The following HMG20A variants were observed in gnomAD, a reference collection of about 807,000 sequenced individuals.
HMG20A encodes high mobility group 20A, also known as high mobility group protein 20A.
Under a neutral mutation model 43.9 loss-of-function variants are expected in HMG20A, and 17 were observed. That is an observed-to-expected ratio of 0.39 (90% CI 0.27 to 0.58). The LOEUF (loss-of-function observed/expected upper bound fraction) is 0.58. HMG20A is among the 20% of genes least tolerant of loss of function. The pLI, the probability that HMG20A is intolerant of heterozygous loss-of-function variation, is 0.59. For missense variants in HMG20A, 341 were observed against 438.2 expected, an observed-to-expected ratio of 0.78 and a Z score of 1.98; for synonymous variants, 132 against 147.5, an observed-to-expected ratio of 0.89 and a Z score of 0.76.
At chr15:77,477,062 A>C (rs2072863077) in intron 6 of HMG20A, among the ~76,000 whole-genome samples, 1 of 152,228 alleles carries the variant, frequency 6.6e-6, no homozygotes, top group Non-Finnish European at 1.5e-5. Flanking sequence ...TACCAATGGA[A>C]TATCATAATT....
intron 2 of HMG20A, among the ~76,000 whole-genome samples, chr15:77,462,556 A>G (rs1428819360): frequency 2.0e-5 from 3 of 151,650 alleles, no homozygotes; most frequent in Non-Finnish European, 4.4e-5. Context: ...CTACTTAATT[A>G]TGCTACAGGT....
Position 77,484,468 on chromosome 15 carries a change from C to G in HMG20A, c.*1505C>G. ...AGGCAGGTGGATAGAAGTGCGGCCCCTCTCATAGTATGCCCATAAGTCAGG... is the reference window on the plus strand; with the variant it reads ...AGGCAGGTGGATAGAAGTGCGGCCCGTCTCATAGTATGCCCATAAGTCAGG... On this transcript the variant is annotated 3_prime_UTR_variant, in exon 10 of 10. Coordinates refer to ENST00000336216, the MANE Select transcript of HMG20A (RefSeq NM_001304504.2). The G allele has an allele frequency of 6.6e-6, 1 of 152,568 alleles. No homozygotes were observed. The highest frequency in any genetic ancestry group is 2.4e-5 in the African/African-American group (1 of 41,434). The allele number at this position is 152,568 out of a possible 1,614,324, so 9.5% of individuals were successfully genotyped here. A position where few individuals can be genotyped will look rare whatever the true frequency, so the allele number is the denominator to read the frequency against.
chr15:77,477,523 G>T, intron 6 of HMG20A, 32 bp from the exon 7 acceptor site: 2 of 1,461,466 alleles, frequency 1.4e-6, no homozygotes, highest in Non-Finnish European at 1.9e-6. Flanking sequence ...CTTCTATTAA[G>T]AATTAACTGT....
At chr15:77,490,361 A>G (rs1233804824), downstream of HMG20A, among the ~76,000 whole-genome samples, 1 of 152,210 alleles carries the variant, frequency 6.6e-6, no homozygotes. Context: ...GGGCAAGAGA[A>G]GAATCAGAGA....
chr15:77,458,403 G>C lies in HMG20A; in HGVS notation c.-4-1G>C. The C allele has an allele frequency of 1.1e-5, 18 of 1,605,854 alleles. No homozygotes were observed. The highest frequency in any genetic ancestry group is 1.5e-5 in the Non-Finnish European group (18 of 1,173,286). On this transcript the variant is annotated splice_acceptor_variant, in intron 1 of 9. Coordinates refer to ENST00000336216, the MANE Select transcript of HMG20A (RefSeq NM_001304504.2). LOFTEE classifies it low-confidence loss of function (5UTR_SPLICE). ...TTTTTTTTATTCTCTTTTCCTTTCA[G>C]AGAGATGGAAAACTTGATGACTAGC... is the stretch of plus-strand genomic sequence containing the variant.
chr15:77,474,570 A>C (rs2072838337), intron 6 of HMG20A, among the ~76,000 whole-genome samples: 1 of 152,242 alleles, frequency 6.6e-6, no homozygotes, highest in African/African-American at 2.4e-5. Flanking sequence ...CTCGTTGCCC[A>C]AGGTGTCAGC....
chr15:77,459,424 C>G (rs2072685657), intron 2 of HMG20A, among the ~76,000 whole-genome samples: 1 of 151,940 alleles, frequency 6.6e-6, no homozygotes, highest in Admixed American at 6.6e-5. Flanking sequence ...CTTGTTGAGT[C>G]AGACAATAAA....
chr15:77,469,225 G>T, intron 4 of HMG20A, among the ~76,000 whole-genome samples: 1 of 109,476 alleles, frequency 9.1e-6, no homozygotes, highest in Admixed American at 9.5e-5. Context: ...AGTAATCTAT[G>T]GGGAGACGAT....
chr15:77,503,505 AC>A, the HMG20A span, among the ~76,000 whole-genome samples: 1 of 152,020 alleles, frequency 6.6e-6, no homozygotes, highest in Non-Finnish European at 1.5e-5. Context: ...ACCCTAGCTG[AC>A]CCCACTTGAG....
At chr15:77,503,281 A>C in the HMG20A span, among the ~76,000 whole-genome samples, 1 of 152,128 alleles carries the variant, frequency 6.6e-6, no homozygotes, top group African/African-American at 2.4e-5. Context: ...CTGATAGCAA[A>C]ATCTGGTATC....
intron 1 of HMG20A, among the ~76,000 whole-genome samples, chr15:77,442,096 A>G (rs560956539): frequency 6.6e-6 from 1 of 152,224 alleles, no homozygotes; most frequent in Non-Finnish European, 1.5e-5. Context: ...TTTTCCTGCC[A>G]GTGACATAAG....
chr15:77,507,865 G>A, the HMG20A span, among the ~76,000 whole-genome samples: 1 of 149,984 alleles, frequency 6.7e-6, no homozygotes, highest in Non-Finnish European at 1.5e-5. Flanking sequence ...CATGAGGATG[G>A]AAAGCATGTT....
the HMG20A span, among the ~76,000 whole-genome samples, chr15:77,510,083 C>G: frequency 3.2e-4 from 49 of 152,236 alleles, no homozygotes; most frequent in African/African-American, 1.1e-3. Flanking sequence ...TCATTCCTAG[C>G]CCCCCACAGG....
At chr15:77,464,091 GTC>G (rs2072732431) in intron 2 of HMG20A, 147 bp from the exon 3 acceptor site, 1 of 854,224 alleles carries the variant, frequency 1.2e-6, no homozygotes, top group East Asian at 2.9e-5. Context: ...GCCCTGTAAC[GTC>G]TGTGAATACG....
At chr15:77,481,594 T>G (rs1047029975) in intron 9 of HMG20A, among the ~76,000 whole-genome samples, 1 of 152,226 alleles carries the variant, frequency 6.6e-6, no homozygotes, top group East Asian at 1.9e-4. Context: ...TTTTTTCATC[T>G]CAAGAGTATA....
the HMG20A span, among the ~76,000 whole-genome samples, chr15:77,503,101 T>C: frequency 6.6e-6 from 1 of 152,228 alleles, no homozygotes; most frequent in African/African-American, 2.4e-5. Flanking sequence ...TATTCTTTTT[T>C]AAGGAAGATG....
intron 1 of HMG20A, among the ~76,000 whole-genome samples, chr15:77,423,930 C>T (rs1246077006): frequency 2.0e-5 from 3 of 152,134 alleles, no homozygotes; most frequent in African/African-American, 7.2e-5. Flanking sequence ...AATGAGAATA[C>T]CCTTTACGTG....
chr15:77,435,229 G>A lies in HMG20A; in HGVS notation c.-5+14225G>A, dbSNP rs144602704. On this transcript the variant is annotated intron_variant, in intron 1 of 9. Transcript: ENST00000336216. ...TGTTTATTCTGATAAGGCTACAGGT[G>A]ATACAGTCTATGAAAAGTTGTCAAG... Among the ~76,000 whole-genome samples the A allele has an allele frequency of 2.0e-3, 299 of 152,198 alleles. 1 individual carries two copies. The highest frequency in any genetic ancestry group is 3.4e-3 in the Middle Eastern group (1 of 294).
chr15:77,422,222 C>T (rs1223501325), intron 1 of HMG20A, among the ~76,000 whole-genome samples: 2 of 152,142 alleles, frequency 1.3e-5, no homozygotes, highest in Admixed American at 1.3e-4. Flanking sequence ...GAACCTAGAA[C>T]TGTATTGTCT....
Sources: allele counts gnomAD v4.1 joint callset (sites outside exome capture counted in the v4.1 genomes callset), GRCh38; gene constraint gnomAD v4.1.1; transcripts MANE v1.5; gene names NCBI Gene and HGNC (gene_info 2026-07-23, HGNC 2026-07-21).